Variants in HEATR5A observed in about 807,000 individuals in gnomAD.
HEATR5A encodes the protein HEAT repeat containing 5A, also known as HEAT repeat-containing protein 5A.
In HEATR5A, 178 loss-of-function variants were observed where a neutral mutation model predicts 218.8. The ratio of observed to expected loss-of-function variants is 0.81; its 90% CI spans 0.72 to 0.92. HEATR5A has a LOEUF of 0.92. HEATR5A is among the 40% of genes least tolerant of loss of function. The pLI is 0.00. For synonymous variants in HEATR5A, 864 were observed against 871.6 expected, an observed-to-expected ratio of 0.99 and a Z score of 0.15; for missense variants, 2,420 against 2,418.9, an observed-to-expected ratio of 1.00 and a Z score of -0.01.
At chr14:31,310,870 C>T (rs1171793446) in intron 28 of HEATR5A, among the ~76,000 whole-genome samples, 7 of 152,000 alleles carry the variant, frequency 4.6e-5, no homozygotes, top group Non-Finnish European at 1.0e-4. Flanking sequence ...TAGAACTAGG[C>T]TGGCCACCAT....
chr14:31,397,529 C>T (rs1476238309), intron 4 of HEATR5A, among the ~76,000 whole-genome samples: 1 of 151,778 alleles, frequency 6.6e-6, no homozygotes, highest in Non-Finnish European at 1.5e-5. Flanking sequence ...CGTGGTGGCA[C>T]GCGCCTGTAA....
chr14:31,355,142 A>G (rs1224579263), intron 16 of HEATR5A, among the ~76,000 whole-genome samples: 1 of 152,242 alleles, frequency 6.6e-6, no homozygotes, highest in Admixed American at 6.5e-5. Flanking sequence ...GGCCAGGAGC[A>G]GTAGCTTACA....
At chr14:31,298,280 T>A (rs1369387113) in intron 33 of HEATR5A, among the ~76,000 whole-genome samples, 1 of 152,176 alleles carries the variant, frequency 6.6e-6, no homozygotes, top group Admixed American at 6.6e-5. Context: ...TTTGAGGCAA[T>A]TTTTTGGGCA....
intron 32 of HEATR5A, among the ~76,000 whole-genome samples, 200 bp downstream of exon 32, chr14:31,304,705 T>C (rs1314477487): frequency 3.3e-5 from 5 of 152,308 alleles, no homozygotes; most frequent in Non-Finnish European, 7.4e-5. Flanking sequence ...GCGTGAGCCA[T>C]TGCGCCTAGC....
intron 16 of HEATR5A, among the ~76,000 whole-genome samples, chr14:31,353,700 C>T (rs1209074726): frequency 1.3e-5 from 2 of 151,742 alleles, no homozygotes; most frequent in African/African-American, 2.4e-5. Flanking sequence ...AGCACCACTG[C>T]ATTCCAGCCT....
intron 16 of HEATR5A, among the ~76,000 whole-genome samples, chr14:31,355,326 T>A (rs533012271): frequency 1.1e-3 from 168 of 151,964 alleles, no homozygotes; most frequent in African/African-American, 3.8e-3. Flanking sequence ...GGCAGGAGAA[T>A]CACTTGAACC....
intron 27 of HEATR5A, among the ~76,000 whole-genome samples, chr14:31,315,265 A>G (rs1193426613): frequency 6.6e-6 from 1 of 152,222 alleles, no homozygotes; most frequent in Non-Finnish European, 1.5e-5. Flanking sequence ...AAATACTATT[A>G]GGTCTACTTT....
intron 13 of HEATR5A, among the ~76,000 whole-genome samples, chr14:31,370,070 C>CA (rs1901977723): frequency 6.6e-6 from 1 of 150,956 alleles, no homozygotes; most frequent in Non-Finnish European, 1.5e-5. Context: ...ATTAAAAATA[C>CA]AAAAAATTAG....
intron 29 of HEATR5A, among the ~76,000 whole-genome samples, chr14:31,308,713 T>C (rs905089797): frequency 1.3e-5 from 2 of 152,072 alleles, no homozygotes; most frequent in African/African-American, 2.4e-5. Context: ...CTCGTAATAG[T>C]TGACAAAGTA....
At chr14:31,415,871 A>G (rs932274938) in intron 1 of HEATR5A, among the ~76,000 whole-genome samples, 2 of 152,220 alleles carry the variant, frequency 1.3e-5, no homozygotes, top group African/African-American at 2.4e-5. Flanking sequence ...AATACAGGAC[A>G]ACTAAGTTAC....
At chr14:31,333,858 C>G (rs1309195749) in intron 22 of HEATR5A, among the ~76,000 whole-genome samples, 1 of 147,194 alleles carries the variant, frequency 6.8e-6, no homozygotes, top group Non-Finnish European at 1.5e-5. Context: ...AAGGTGAGAC[C>G]CCATCTCTAC....
intron 28 of HEATR5A, among the ~76,000 whole-genome samples, chr14:31,311,467 A>G (rs1899749611): frequency 6.6e-6 from 1 of 151,998 alleles, no homozygotes; most frequent in East Asian, 1.9e-4. Context: ...GCTGGAGTAC[A>G]GTGGCACGAT....
chr14:31,298,691 T>G (rs1050308619), intron 33 of HEATR5A, among the ~76,000 whole-genome samples: 1 of 152,178 alleles, frequency 6.6e-6, no homozygotes, highest in African/African-American at 2.4e-5. Context: ...AAATGTGCTG[T>G]AAATTTTATT....
chr14:31,324,525 G>A (rs766880228), intron 23 of HEATR5A, among the ~76,000 whole-genome samples: 1 of 152,126 alleles, frequency 6.6e-6, no homozygotes, highest in Non-Finnish European at 1.5e-5. Context: ...ACAGAGCCTG[G>A]AAGGTGTTTT....
At chr14:31,339,426 G>T (rs1368120044) in intron 21 of HEATR5A, among the ~76,000 whole-genome samples, 2 of 143,258 alleles carry the variant, frequency 1.4e-5, no homozygotes, top group Non-Finnish European at 3.0e-5. Context: ...CTCCAGCCTG[G>T]GTGACAGAGT....
At position 31,304,892 on chromosome 14, in the gene HEATR5A, T is replaced by C; in HGVS notation, c.5239+13A>G. ...TTCTAGGTCAAGTCAAGCAATCACA[T>C]ACCACAGCATACCTTCAGGAGAGCA... On this transcript the variant is annotated intron_variant, in intron 32 of 35. Transcript: ENST00000543095. The C allele has an allele frequency of 6.2e-7, 1 of 1,611,858 alleles. No individual in the cohort carries two copies. The highest frequency in any genetic ancestry group is 8.5e-7 in the Non-Finnish European group (1 of 1,179,330).
At chr14:31,379,699 A>G (rs1014573305) in intron 11 of HEATR5A, among the ~76,000 whole-genome samples, 1 of 152,228 alleles carries the variant, frequency 6.6e-6, no homozygotes, top group Non-Finnish European at 1.5e-5. Context: ...CATGCTTATA[A>G]TGCCAACACT....
At position 31,326,288 on chromosome 14, in the gene HEATR5A, T is replaced by G. The variant is rs761330871; in HGVS notation, c.3422A>C (p.Lys1141Thr). The G allele has an allele frequency of 6.2e-7, 1 of 1,613,478 alleles. No homozygotes were observed. Among genetic ancestry groups the G allele is most frequent in the Non-Finnish European group, 8.5e-7 (1 of 1,179,526 alleles). ...ATGGCATAATCTCTCATCTGTCTCC[T>G]TGTCTAGTAAGATCAACAATGCCCC... ...LEGALLILLD[K>T]ETDERLCHDI... The change falls in exon 23 of 36, where the codon AAG becomes ACG. Residue 1141 changes from lysine (K) to threonine (T), a missense_variant. Coordinates refer to ENST00000543095, the MANE Select transcript of HEATR5A (RefSeq NM_015473.4).
At chr14:31,310,639 C>CAAAT (rs1188567014) in intron 28 of HEATR5A, among the ~76,000 whole-genome samples, 184 of 151,862 alleles carry the variant, frequency 1.2e-3, no homozygotes, top group African/African-American at 3.6e-3. Flanking sequence ...GACTCCACCT[C>CAAAT]AAATAAATAA....
Sources: gnomAD v4.1 joint callset for allele counts (sites outside exome capture counted in the v4.1 genomes callset) on GRCh38, gnomAD v4.1.1 for gene constraint, MANE v1.5 for transcripts, NCBI Gene and HGNC (gene_info 2026-07-23, HGNC 2026-07-21) for gene names.